Variants in LRRC7 observed in about 807,000 individuals in gnomAD.
LRRC7 encodes the protein leucine-rich repeat-containing protein 7.
Under a neutral mutation model 175.7 loss-of-function variants are expected in LRRC7, and 23 were observed. The ratio of observed to expected loss-of-function variants is 0.13; its 90% CI spans 0.09 to 0.19. The LOEUF is 0.19. Ranked by LOEUF, LRRC7 falls within the 10% of genes least tolerant of loss-of-function variation. The probability of loss-of-function intolerance (pLI) is 1.00; values close to 1 mark genes in which losing one functional copy is unlikely to be tolerated. For synonymous variants in LRRC7, 685 were observed against 680.9 expected (o/e 1.01, Z -0.09); for missense variants, 1,354 against 1,904.7 (o/e 0.71, Z 5.38).
At chr1:69,672,656 G>C (rs570172170) in intron 1 of LRRC7, among the ~76,000 whole-genome samples, 2 of 152,228 alleles carry the variant, frequency 1.3e-5, no homozygotes, top group African/African-American at 4.8e-5. Context: ...CCTCCAGTGA[G>C]CCAATCATTC....
intron 1 of LRRC7, among the ~76,000 whole-genome samples, chr1:69,629,419 C>T (rs143628833): frequency 6.9e-4 from 105 of 152,130 alleles, no homozygotes; most frequent in African/African-American, 2.1e-3. Context: ...GTATTTCCAT[C>T]GAGGAGTATA....
intron 2 of LRRC7, among the ~76,000 whole-genome samples, chr1:69,725,390 C>T (rs1409327216): frequency 1.3e-5 from 2 of 152,090 alleles, no homozygotes; most frequent in Admixed American, 6.6e-5. Flanking sequence ...CAAACAACTT[C>T]CAAGTTCATA....
rs564883652 is a variant in LRRC7, at chr1:70,119,731, A to G, written c.4621-2049A>G. The stretch of plus-strand genomic sequence containing the variant: ...CCATTCATGGCCTCCAAATCCTAGA[A>G]AATTTTTTATTTCTTTAACTGTGAG... On this transcript the variant is annotated intron_variant, in intron 26 of 26. Coordinates refer to ENST00000651989, the MANE Select transcript of LRRC7 (RefSeq NM_001370785.2). Among the ~76,000 whole-genome samples, 9 of 152,176 alleles carry G rather than the reference A, an allele frequency of 5.9e-5. No individual in the cohort carries two copies. In the South Asian group the frequency reaches 1.9e-3, roughly 32 times the overall value.
chr1:69,893,747 A>G (rs916411339), intron 7 of LRRC7, among the ~76,000 whole-genome samples: 5 of 152,218 alleles, frequency 3.3e-5, no homozygotes, highest in Non-Finnish European at 4.4e-5. Flanking sequence ...TAATAATATC[A>G]AGGCATATGC....
At position 70,131,755 on chromosome 1, in the gene LRRC7, A is replaced by G. The variant is rs1463720746; in HGVS notation, c.*9868A>G. Among the ~76,000 whole-genome samples, 1 of 152,178 alleles carries G rather than the reference A, an allele frequency of 6.6e-6. No homozygotes were observed. ...ACTCTCCAGGGGCCTACTCTTTGGTATCTTATAGCCCAGTGTCTATACATT... is the reference window on the plus strand; with the variant it reads ...ACTCTCCAGGGGCCTACTCTTTGGTGTCTTATAGCCCAGTGTCTATACATT... On this transcript the variant is annotated 3_prime_UTR_variant, in exon 27 of 27. Transcript: ENST00000651989.
chr1:69,792,208 A>T (rs749970026), intron 4 of LRRC7, 48 bp downstream of exon 4: 1 of 1,021,798 alleles, frequency 9.8e-7, no homozygotes. Context: ...TTTAACTGAA[A>T]ATGTGCTTTA....
At chr1:69,663,760 G>A (rs1657858195) in intron 1 of LRRC7, among the ~76,000 whole-genome samples, 1 of 130,572 alleles carries the variant, frequency 7.7e-6, no homozygotes, top group Non-Finnish European at 1.5e-5. Context: ...TGTCGCCCAG[G>A]CCGGACTGCC....
At chr1:70,047,423 T>TGTTTGCCA (rs1443608286) in intron 22 of LRRC7, among the ~76,000 whole-genome samples, 4 of 152,162 alleles carry the variant, frequency 2.6e-5, no homozygotes, top group African/African-American at 9.6e-5. Flanking sequence ...CCACCCTCTC[T>TGTTTGCCA]GTTTGCCAAG....
chr1:69,680,380 T>G (rs1290766653), intron 2 of LRRC7, among the ~76,000 whole-genome samples: 1 of 152,130 alleles, frequency 6.6e-6, no homozygotes, highest in Non-Finnish European at 1.5e-5. Context: ...TTCTCTAATA[T>G]AAAGTATGTA....
intron 2 of LRRC7, among the ~76,000 whole-genome samples, chr1:69,749,474 T>C (rs1035305617): frequency 5.9e-5 from 9 of 152,184 alleles, no homozygotes; most frequent in Non-Finnish European, 8.8e-5. Flanking sequence ...TCTGTGGATT[T>C]TGTTTAACAA....
intron 2 of LRRC7, among the ~76,000 whole-genome samples, chr1:69,689,347 C>T (rs1386283394): frequency 6.6e-6 from 1 of 152,128 alleles, no homozygotes; most frequent in Non-Finnish European, 1.5e-5. Flanking sequence ...AAGTTTAACT[C>T]TAAAAGCTAT....
chr1:69,707,297 C>T (rs182096140), intron 2 of LRRC7, among the ~76,000 whole-genome samples: 1 of 152,204 alleles, frequency 6.6e-6, no homozygotes, highest in Non-Finnish European at 1.5e-5. Context: ...CCAGATGCAG[C>T]CTTCCATTAT....
At chr1:69,607,792 C>T (rs995006926) in intron 1 of LRRC7, 4 of 152,066 alleles carry the variant, frequency 2.6e-5, no homozygotes, top group Non-Finnish European at 5.9e-5. Flanking sequence ...TTATGTTCAA[C>T]TAGAATAGTC....
intron 26 of LRRC7, among the ~76,000 whole-genome samples, chr1:70,111,463 T>C (rs138805565): frequency 6.6e-6 from 1 of 152,242 alleles, no homozygotes; most frequent in East Asian, 1.9e-4. Flanking sequence ...TATATAACAG[T>C]AAGAGAAAAA....
chr1:69,839,334 T>C (rs1336473312), intron 7 of LRRC7, among the ~76,000 whole-genome samples: 1 of 152,088 alleles, frequency 6.6e-6, no homozygotes, highest in Non-Finnish European at 1.5e-5. Flanking sequence ...AAACACCTCC[T>C]TAATCCTCCA....
chr1:69,906,556 G>A (rs1646318914), intron 7 of LRRC7, among the ~76,000 whole-genome samples: 1 of 152,158 alleles, frequency 6.6e-6, no homozygotes, highest in Admixed American at 6.5e-5. Context: ...GTTTGTCAAA[G>A]ATCAGATGGT....
chr1:69,949,479 C>T (rs1649691860), intron 8 of LRRC7, among the ~76,000 whole-genome samples: 1 of 151,992 alleles, frequency 6.6e-6, no homozygotes, highest in Non-Finnish European at 1.5e-5. Context: ...ATCACTTGGC[C>T]CTGGGAGGCA....
intron 17 of LRRC7, among the ~76,000 whole-genome samples, chr1:70,024,097 C>T (rs1295879058): frequency 6.6e-6 from 1 of 151,960 alleles, no homozygotes; most frequent in African/African-American, 2.4e-5. Flanking sequence ...ATTTTTGCTA[C>T]AATATAAGGC....
At chr1:69,845,074 G>A (rs542844452) in intron 7 of LRRC7, among the ~76,000 whole-genome samples, 23 of 151,994 alleles carry the variant, frequency 1.5e-4, no homozygotes, top group South Asian at 1.2e-3. Context: ...ACAGAGCGAG[G>A]CCCTGTCTCT....
Sources: allele counts gnomAD v4.1 joint callset (sites outside exome capture counted in the v4.1 genomes callset), GRCh38; gene constraint gnomAD v4.1.1; transcripts MANE v1.5; gene names NCBI Gene and HGNC (gene_info 2026-07-23, HGNC 2026-07-21).